The following SCGB2B2 variants were observed in gnomAD, a reference collection of about 807,000 sequenced individuals.
The protein encoded by SCGB2B2 is secretoglobin family 2B member 2.
A neutral mutation model predicts 7.6 loss-of-function variants in SCGB2B2; 11 were observed. That is an observed-to-expected ratio of 1.45 (90% confidence interval 0.91 to 2.40). The LOEUF (loss-of-function observed/expected upper bound fraction) is 2.40, where lower values mean the gene tolerates loss of function less well. Among genes scored for constraint, SCGB2B2 ranks in the 30% most tolerant of loss-of-function variants. The pLI, the probability that SCGB2B2 is intolerant of heterozygous loss-of-function variation, is 0.00. For missense variants in SCGB2B2, 104 were observed against 115.4 expected (o/e 0.90, Z 0.45); for synonymous variants, 50 against 48.6 (o/e 1.03, Z -0.12).
intron 1 of SCGB2B2, among the ~76,000 whole-genome samples, chr19:34,616,091 T>A (rs1192092397): frequency 6.7e-6 from 1 of 149,606 alleles, no homozygotes. Flanking sequence ...TCTATCATTG[T>A]TGGACATTTG....
At chr19:34,632,303 C>G (rs1218883181) in intron 1 of SCGB2B2, among the ~76,000 whole-genome samples, 2 of 152,066 alleles carry the variant, frequency 1.3e-5, no homozygotes, top group African/African-American at 4.8e-5. Flanking sequence ...ATAGGACAGA[C>G]TGTTAAGATG....
Position 34,676,905 on chromosome 19 carries a change from G to T in SCGB2B2, c.-3307C>A, listed in dbSNP as rs1409763666. 6.6e-6 allele frequency: 1 copy of T among 152,198 alleles called. No homozygotes were observed. The highest frequency in any genetic ancestry group is 1.5e-5 in the Non-Finnish European group (1 of 68,072). The allele number at this position is 152,198 out of a possible 1,614,324, so 9.4% of individuals were successfully genotyped here. Reference sequence around the variant, plus strand: ...GGTGGGCCTAAGAAGCACTTCTGGGGAGAGGGGGCGTCAGGCTGTGATGGC... The same window carrying T: ...GGTGGGCCTAAGAAGCACTTCTGGGTAGAGGGGGCGTCAGGCTGTGATGGC... On this transcript the variant is annotated 5_prime_UTR_variant, in exon 1 of 4. Coordinates refer to ENST00000601241, the MANE Select transcript of SCGB2B2 (RefSeq NM_001025591.4).
chr19:34,674,719 G>GA (rs1444586930), intron 1 of SCGB2B2, among the ~76,000 whole-genome samples: 1 of 152,194 alleles, frequency 6.6e-6, no homozygotes, highest in Non-Finnish European at 1.5e-5. Context: ...ATATATGGGA[G>GA]AGGAAGAGTT....
At chr19:34,594,413 C>T in intron 2 of SCGB2B2, 54 bp from the exon 3 acceptor site, 3 of 1,602,376 alleles carry the variant, frequency 1.9e-6, no homozygotes, top group South Asian at 2.2e-5. Context: ...TTCAGCGAAA[C>T]CTCCCATGGC....
At position 34,629,217 on chromosome 19, in the gene SCGB2B2, G is replaced by C. The variant is rs150644567; in HGVS notation, c.-2031-32623C>G. The stretch of plus-strand genomic sequence containing the variant: ...CCCTTTGAAAACTGGCACAAGGTAG[G>C]GATGCCCTCTCTCACCACCCCTATT... On this transcript the variant is annotated intron_variant, in intron 1 of 3. Transcript: ENST00000601241. Among the ~76,000 whole-genome samples, 469 of 152,006 alleles carry C rather than the reference G, an allele frequency of 3.1e-3. 1 individual carries two copies. Among genetic ancestry groups the C allele is most frequent in the African/African-American group, 0.011 (449 of 41,502 alleles).
intron 1 of SCGB2B2, among the ~76,000 whole-genome samples, chr19:34,623,588 C>T (rs993429730): frequency 7.2e-5 from 11 of 152,148 alleles, no homozygotes; most frequent in African/African-American, 2.7e-4. Flanking sequence ...TTCCCTAGCT[C>T]TCTACCTATC....
intron 1 of SCGB2B2, among the ~76,000 whole-genome samples, chr19:34,612,695 C>T (rs974770331): frequency 2.0e-4 from 30 of 152,130 alleles, no homozygotes; most frequent in African/African-American, 7.2e-4. Context: ...CAGCATAAAT[C>T]CAACGTTTCT....
chr19:34,668,491 C>T (rs1214203713), intron 1 of SCGB2B2, among the ~76,000 whole-genome samples: 11 of 152,188 alleles, frequency 7.2e-5, no homozygotes, highest in Admixed American at 1.3e-4. Flanking sequence ...TGCTCCATAG[C>T]GCCCAGTCCC....
chr19:34,597,357 A>G (rs919137469), intron 1 of SCGB2B2, among the ~76,000 whole-genome samples: 36 of 138,226 alleles, frequency 2.6e-4, no homozygotes, highest in African/African-American at 9.4e-4. Context: ...GGCCAGGGCA[A>G]GCTTGCACTT....
intron 1 of SCGB2B2, among the ~76,000 whole-genome samples, chr19:34,634,667 TGTTG>T (rs1265558777): frequency 6.6e-6 from 1 of 152,210 alleles, no homozygotes; most frequent in East Asian, 1.9e-4. Flanking sequence ...CCACATAGGC[TGTTG>T]GTTTAAGCCT....
chr19:34,599,714 C>A (rs560570471), intron 1 of SCGB2B2, among the ~76,000 whole-genome samples: 64 of 152,218 alleles, frequency 4.2e-4, no homozygotes, highest in African/African-American at 1.5e-3. Context: ...CTCTTCCCTC[C>A]CTGTCCTCTC....
chr19:34,633,978 C>T (rs577812588), intron 1 of SCGB2B2, among the ~76,000 whole-genome samples: 1 of 152,318 alleles, frequency 6.6e-6, no homozygotes, highest in South Asian at 2.1e-4. Flanking sequence ...TGCCTAGACT[C>T]TGATCTCTCC....
At chr19:34,664,563 C>T (rs1040264337) in intron 1 of SCGB2B2, among the ~76,000 whole-genome samples, 1 of 152,188 alleles carries the variant, frequency 6.6e-6, no homozygotes, top group Non-Finnish European at 1.5e-5. Context: ...GTCCCACAGA[C>T]CCCACTCCAC....
At chr19:34,647,693 T>G (rs2067058352) in intron 1 of SCGB2B2, among the ~76,000 whole-genome samples, 1 of 152,088 alleles carries the variant, frequency 6.6e-6, no homozygotes, top group African/African-American at 2.4e-5. Context: ...GGACACCCCA[T>G]GAAGAACAAG....
chr19:34,606,259 A>T (rs932897011), intron 1 of SCGB2B2, among the ~76,000 whole-genome samples: 2 of 152,088 alleles, frequency 1.3e-5, no homozygotes, highest in Non-Finnish European at 2.9e-5. Flanking sequence ...AGTGACCACC[A>T]TACTCAAGGT....
chr19:34,630,496 T>A (rs561213911), intron 1 of SCGB2B2, among the ~76,000 whole-genome samples: 71 of 151,936 alleles, frequency 4.7e-4, no homozygotes, highest in African/African-American at 1.6e-3. Context: ...TTATGCAGCC[T>A]AAAGACACAT....
intron 1 of SCGB2B2, chr19:34,608,690 A>G (rs1213531040): frequency 2.4e-5 from 1 of 41,986 alleles, no homozygotes; most frequent in Non-Finnish European, 4.4e-5. Flanking sequence ...TATATACCGT[A>G]TTTTCTTCAT....
chr19:34,594,872 T>C lies in SCGB2B2; in HGVS notation c.-309A>G, dbSNP rs922599717. On this transcript the variant is annotated 5_prime_UTR_variant, in exon 2 of 4. Transcript: ENST00000601241. The stretch of plus-strand genomic sequence containing the variant: ...GGATTGGGAGCAGGCTGAACACTGG[T>C]GTAAGCCTGCAAGTCTGAGTGTGCA... 1 of 426,122 alleles carries C rather than the reference T, an allele frequency of 2.3e-6. No homozygotes were observed. The highest frequency in any genetic ancestry group is 2.0e-5 in the African/African-American group (1 of 50,104). 26.4% of individuals were successfully genotyped at this position (426,122 alleles called of 1,614,324 possible).
rs998992629 is a variant in SCGB2B2, at chr19:34,594,737, C to T, written c.-174G>A. Reference sequence around the variant, plus strand: ...CAGGGCAGGTCTGCAGAGAGACCCTCGGCCCTGGGCCATGCTGTTGGGGTG... The same window carrying T: ...CAGGGCAGGTCTGCAGAGAGACCCTTGGCCCTGGGCCATGCTGTTGGGGTG... On this transcript the variant is annotated 5_prime_UTR_variant, in exon 2 of 4. Transcript: ENST00000601241. 46 of 654,984 alleles carry T rather than the reference C, an allele frequency of 7.0e-5. 1 individual carries two copies. Among genetic ancestry groups the T allele is most frequent in the Admixed American group, 3.1e-4 (14 of 45,186 alleles). 40.6% of individuals were successfully genotyped at this position (654,984 alleles called of 1,614,324 possible). A position where few individuals can be genotyped will look rare whatever the true frequency, so the allele number is the denominator to read the frequency against.
Sources: allele counts gnomAD v4.1 joint callset (sites outside exome capture counted in the v4.1 genomes callset), GRCh38; gene constraint gnomAD v4.1.1; transcripts MANE v1.5; gene names NCBI Gene and HGNC (gene_info 2026-07-23, HGNC 2026-07-21).